Variants in ZNF732 observed in about 807,000 individuals in gnomAD.
ZNF732 encodes the protein zinc finger protein LOC654254.
In ZNF732, 12 loss-of-function variants were observed where a neutral mutation model predicts 11.5. That is an observed-to-expected ratio of 1.05 (90% CI 0.67 to 1.70). The LOEUF is 1.70. Among genes scored for constraint, ZNF732 ranks in the 40% most tolerant of loss-of-function variants. The probability of loss-of-function intolerance (pLI) is 0.00; values close to 1 mark genes in which losing one functional copy is unlikely to be tolerated. For synonymous variants in ZNF732, 231 were observed against 236.5 expected (o/e 0.98, Z 0.21); for missense variants, 702 against 676.9 (o/e 1.04, Z -0.41).
At chr4:304,991 G>A (rs534068735) in intron 1 of ZNF732, among the ~76,000 whole-genome samples, 21 of 152,048 alleles carry the variant, frequency 1.4e-4, no homozygotes, top group Non-Finnish European at 3.1e-4. Flanking sequence ...GGGACTCGAC[G>A]ACCGGACCAC....
At chr4:291,912 T>C (rs1214031426) in intron 3 of ZNF732, among the ~76,000 whole-genome samples, 7 of 152,132 alleles carry the variant, frequency 4.6e-5, no homozygotes, top group Non-Finnish European at 1.0e-4. Context: ...AACAAATCCA[T>C]GCATACAAGG....
Position 271,693 on chromosome 4 carries a change from T to C in ZNF732, c.1164A>G (p.Lys388=), listed in dbSNP as rs1375981521. 1.2e-6 allele frequency: 2 copies of C among 1,612,620 alleles called. No homozygotes were observed. Among genetic ancestry groups the C allele is most frequent in the Non-Finnish European group, 1.7e-6 (2 of 1,179,238 alleles). The stretch of plus-strand genomic sequence containing the variant: ...TTCCACATTCTTCACATGTGTAGGG[T>C]TTCTCTCCAGTATGAATACTCTTAT... ...NKHKSIHTGE[K]PYTCEECGKA... is the part of the protein sequence containing the mutation. Residue 388 remains lysine, a synonymous_variant, in exon 4 of 4, where the codon AAA becomes AAG. Coordinates refer to ENST00000419098, the MANE Select transcript of ZNF732 (RefSeq NM_001137608.3).
chr4:299,354 CATATATACACATATGTGTATAT>C (rs1560164921), intron 1 of ZNF732, among the ~76,000 whole-genome samples: 5 of 126,472 alleles, frequency 4.0e-5, no homozygotes, highest in South Asian at 2.3e-4. Context: ...TATATATACA[CATATATACACATATGTGTATAT>C]ATATATACAC....
rs1336979563 is a variant in ZNF732, at chr4:280,264, G to C, written c.227-7634C>G. Among the ~76,000 whole-genome samples, 11 of 137,404 alleles carry C rather than the reference G, an allele frequency of 8.0e-5. No homozygotes were observed. The East Asian group carries it at 1.0e-3, about 12-fold the overall frequency. 90.1% of individuals were successfully genotyped at this position (137,404 alleles called of 152,430 possible). ...TGTACTTATGAAGATCCAGCATTTT[G>C]AATCTTTGACATGCAATGTACAGCA... On this transcript the variant is annotated intron_variant, in intron 3 of 3. Transcript: ENST00000419098.
At position 305,342 on chromosome 4, in the gene ZNF732, G is replaced by C; in HGVS notation, c.-32C>G. On this transcript the variant is annotated 5_prime_UTR_variant, in exon 1 of 4. Coordinates refer to ENST00000419098, the MANE Select transcript of ZNF732 (RefSeq NM_001137608.3). Reference sequence around the variant, plus strand: ...ACTTCAGGGGTGTAGCGGAGTCTCAGCTACGAATCATCCAATACCCGCAGG... The same window carrying C: ...ACTTCAGGGGTGTAGCGGAGTCTCACCTACGAATCATCCAATACCCGCAGG... 1 of 1,607,468 alleles carries C rather than the reference G, an allele frequency of 6.2e-7. No individual in the cohort carries two copies. The highest frequency in any genetic ancestry group is 1.1e-5 in the South Asian group (1 of 91,066).
At chr4:273,155 A>G (rs2108651730) in intron 3 of ZNF732, among the ~76,000 whole-genome samples, 1 of 152,210 alleles carries the variant, frequency 6.6e-6, no homozygotes, top group East Asian at 1.9e-4. Flanking sequence ...TGAAGTGCTA[A>G]ATACAGACAA....
chr4:281,096 C>A (rs1553839714), intron 3 of ZNF732, among the ~76,000 whole-genome samples: 7 of 152,170 alleles, frequency 4.6e-5, no homozygotes. Context: ...TAACCTGGGA[C>A]CTGCCAAAAA....
intron 1 of ZNF732, among the ~76,000 whole-genome samples, chr4:305,053 GCTC>G (rs1553844215): frequency 1.3e-5 from 2 of 152,190 alleles, no homozygotes; most frequent in Non-Finnish European, 2.9e-5. Flanking sequence ...TTCCCGATGA[GCTC>G]CTCCTCACCC....
In ZNF732 at chr4:290,243, C is replaced by T. The variant is rs1001357061; in HGVS notation, c.226+5195G>A. Among the ~76,000 whole-genome samples, 15 of 152,270 alleles carry T rather than the reference C, an allele frequency of 9.9e-5. 1 individual carries two copies. The highest frequency in any genetic ancestry group is 3.4e-3 in the Middle Eastern group (1 of 294). ...GGGGGGTTACTTGGAAAAAGCAGGC[C>T]CTCACCAGGTGGCCAACTCAAGAGC... On this transcript the variant is annotated intron_variant, in intron 3 of 3. Coordinates refer to ENST00000419098, the MANE Select transcript of ZNF732 (RefSeq NM_001137608.3).
intron 3 of ZNF732, among the ~76,000 whole-genome samples, chr4:278,843 G>A (rs528103842): frequency 6.6e-6 from 1 of 152,166 alleles, no homozygotes; most frequent in Non-Finnish European, 1.5e-5. Flanking sequence ...AGGCTGGTGA[G>A]TGTAGTGTCT....
At chr4:278,349 C>T (rs2108653479) in intron 3 of ZNF732, among the ~76,000 whole-genome samples, 1 of 152,248 alleles carries the variant, frequency 6.6e-6, no homozygotes, top group South Asian at 2.1e-4. Context: ...TTATTATTTG[C>T]AAAAGACAAT....
chr4:271,118 T>C lies in ZNF732; in HGVS notation c.1739A>G (p.Tyr580Cys). 6.6e-7 allele frequency: 1 copy of C among 1,515,756 alleles called. No individual in the cohort carries two copies. The highest frequency in any genetic ancestry group is 8.8e-7 in the Non-Finnish European group (1 of 1,134,326). The allele number at this position is 1,515,756 out of a possible 1,614,324, so 93.9% of individuals were successfully genotyped here. A position where few individuals can be genotyped will look rare whatever the true frequency, so the allele number is the denominator to read the frequency against. ...ATATTTCTAGAGTTTCTCTCCAGTA[T>C]AAATTTTATTATGTTGATTAAGGTA... Reference protein sequence around the residue: ...SSYLNQHNKIYTGEKL With the variant: ...SSYLNQHNKICTGEKL The change falls in exon 4 of 4, where the codon TAT becomes TGT. Residue 580 changes from tyrosine to cysteine, a missense_variant. By Grantham distance (194) the Tyr-to-Cys change is radical. This residue lies in a region of ZNF732 where 94 missense variants were observed against 87.5 expected (regional missense o/e 1.07). Coordinates refer to ENST00000419098, the MANE Select transcript of ZNF732 (RefSeq NM_001137608.3).
chr4:296,019 T>A lies in ZNF732; in HGVS notation c.130+10A>T. 6.2e-7 allele frequency: 1 copy of A among 1,608,148 alleles called. No homozygotes were observed. On this transcript the variant is annotated intron_variant, in intron 2 of 3. Transcript: ENST00000419098. ...GAGTATTAGGAATTATTTACTGAAG[T>A]TATCCTCACCCAGGGAGATCAGGTT...
intron 3 of ZNF732, among the ~76,000 whole-genome samples, chr4:281,138 G>A (rs960958690): frequency 2.3e-4 from 35 of 152,198 alleles, no homozygotes; most frequent in Admixed American, 3.3e-4. Context: ...TAGGCATGCT[G>A]GCTGACTTTA....
chr4:273,701 C>A (rs1553838246), intron 3 of ZNF732, among the ~76,000 whole-genome samples: 1 of 151,676 alleles, frequency 6.6e-6, no homozygotes, highest in East Asian at 1.9e-4. Context: ...TACAGCAAAG[C>A]ACATATATAA....
At position 299,406 on chromosome 4, in the gene ZNF732, TATATATATACAC is replaced by T. The variant is rs1409913511; in HGVS notation, c.4-3263_4-3252del. ...ATACACATATGTACACATATGTGTA[TATATATATACAC>T]ATATATACACATATGTGTATATATA... On this transcript the variant is annotated intron_variant, in intron 1 of 3. Transcript: ENST00000419098. Among the ~76,000 whole-genome samples, 24 of 5,840 alleles carry T rather than the reference TATATATATACAC, an allele frequency of 4.1e-3. 1 individual carries two copies. In the East Asian group the frequency reaches 0.085, roughly 21 times the overall value. The allele number at this position is 5,840 out of a possible 152,430, so 3.8% of individuals were successfully genotyped here.
chr4:279,055 T>C (rs1019670249), intron 3 of ZNF732, among the ~76,000 whole-genome samples: 7 of 152,018 alleles, frequency 4.6e-5, no homozygotes, highest in Non-Finnish European at 1.0e-4. Flanking sequence ...TGTCTTTTCT[T>C]CTCCCCTCAC....
chr4:300,843 T>C (rs1720101743), intron 1 of ZNF732, among the ~76,000 whole-genome samples: 1 of 152,080 alleles, frequency 6.6e-6, no homozygotes, highest in Admixed American at 6.6e-5. Flanking sequence ...CCAAAAGCAA[T>C]GGCAACAAAA....
chr4:295,967 A>C, intron 2 of ZNF732, 62 bp downstream of exon 2: 1 of 1,567,074 alleles, frequency 6.4e-7, no homozygotes, highest in Admixed American at 2.1e-5. Flanking sequence ...GACATTCTAC[A>C]AAAATAGAAA....
Sources: gnomAD v4.1 joint callset for allele counts (sites outside exome capture counted in the v4.1 genomes callset) on GRCh38, gnomAD v4.1.1 for gene constraint, gnomAD v4.1.1 regional missense constraint, MANE v1.5 for transcripts, NCBI Gene and HGNC (gene_info 2026-07-23, HGNC 2026-07-21) for gene names.